STMN1: variants seen among roughly 807,000 people sequenced by gnomAD.
STMN1 encodes the protein stathmin.
STMN1 carries 3 observed loss-of-function variants against 19.7 expected under a neutral mutation model. That is an observed-to-expected ratio of 0.15 (90% CI 0.07 to 0.39). The LOEUF (loss-of-function observed/expected upper bound fraction) is 0.39. Ranked by LOEUF, STMN1 falls within the 10% of genes least tolerant of loss-of-function variation. The pLI, the probability that STMN1 is intolerant of heterozygous loss-of-function variation, is 1.00. For synonymous variants in STMN1, 59 were observed against 58.9 expected, an observed-to-expected ratio of 1.00 and a Z score of -0.01; for missense variants, 99 against 176.0, an observed-to-expected ratio of 0.56 and a Z score of 2.48.
intron 2 of STMN1, among the ~76,000 whole-genome samples, chr1:25,904,449 C>T (rs1165113437): frequency 6.6e-6 from 1 of 152,202 alleles, no homozygotes; most frequent in African/African-American, 2.4e-5. Context: ...GCAAACTCCA[C>T]AATTTTGCTT....
intron 4 of STMN1, among the ~76,000 whole-genome samples, chr1:25,886,581 T>G (rs1045382420): frequency 1.5e-4 from 21 of 139,964 alleles, no homozygotes; most frequent in Admixed American, 1.2e-3. Flanking sequence ...CCCCACCACT[T>G]TTTTTTTTTT....
intron 4 of STMN1, among the ~76,000 whole-genome samples, chr1:25,891,054 C>T (rs957650982): frequency 6.6e-6 from 1 of 152,078 alleles, no homozygotes; most frequent in East Asian, 1.9e-4. Context: ...CAATCGGGGC[C>T]GGGCACAGCA....
intron 4 of STMN1, among the ~76,000 whole-genome samples, chr1:25,886,423 G>C (rs2124219891): frequency 6.6e-6 from 1 of 152,204 alleles, no homozygotes. Flanking sequence ...TGATGATTAA[G>C]ATCCTTCTGG....
intron 1 of STMN1, chr1:25,905,051 A>C: frequency 4.6e-6 from 1 of 215,624 alleles, no homozygotes; most frequent in Admixed American, 5.7e-5. Flanking sequence ...CATTTCACCG[A>C]AACTGTAAGA....
At chr1:25,901,170 C>A (rs911587584) in intron 4 of STMN1, 83 bp from the exon 5 acceptor site, 3 of 1,561,846 alleles carry the variant, frequency 1.9e-6, no homozygotes, top group Non-Finnish European at 2.6e-6. Context: ...CAGCCCCCAC[C>A]TCAAAGAGGC....
intron 4 of STMN1, among the ~76,000 whole-genome samples, chr1:25,893,619 C>A (rs187612362): frequency 2.4e-4 from 37 of 152,334 alleles, no homozygotes; most frequent in Middle Eastern, 3.4e-3. Context: ...CGGCTCACTG[C>A]AACCTCCGCC....
At chr1:25,901,117 C>CAAAAAA (rs58316569) in intron 4 of STMN1, 30 bp from the exon 5 acceptor site, 49 of 1,204,922 alleles carry the variant, frequency 4.1e-5, no homozygotes, top group South Asian at 1.4e-4. Context: ...TGTCATCAGT[C>CAAAAAA]AAAAAAAAAA....
downstream of STMN1, among the ~76,000 whole-genome samples, chr1:25,899,929 AATT>A (rs1246901479): frequency 6.6e-6 from 1 of 152,172 alleles, no homozygotes; most frequent in Non-Finnish European, 1.5e-5. Flanking sequence ...AAATATGTAT[AATT>A]AGGCTATTTC....
intron 4 of STMN1, chr1:25,892,380 CTTTTTT>C (rs35541438): frequency 1.7e-5 from 3 of 173,684 alleles, no homozygotes; most frequent in African/African-American, 5.9e-5. Flanking sequence ...CAGAGCAAGA[CTTTTTT>C]TTTTTTTTTT....
rs2048874083 is a variant in STMN1 at position 25,901,510 on chromosome 1, A to T, written c.359T>A (p.Leu120Gln). 6.2e-7 allele frequency: 1 copy of T among 1,608,330 alleles called. No homozygotes were observed. Among genetic ancestry groups the T allele is most frequent in the African/African-American group, 1.3e-5 (1 of 74,320 alleles). ...ENREAQMAAK[L>Q]ERLREKDKHI... ...ACCAACCTTCTCTCGCAAACGTTCC[A>T]GTTTGGCAGCCATTTGTGCCTCTCG... The change falls in exon 4 of 5, where the codon CTG (leucine) becomes CAG (glutamine). Residue 120 changes from leucine to glutamine, a missense_variant. This residue lies in a region of STMN1 where 54 missense variants were observed against 79.4 expected (regional missense o/e 0.68). Coordinates refer to ENST00000455785, the MANE Select transcript of STMN1 (RefSeq NM_005563.4).
intron 4 of STMN1, among the ~76,000 whole-genome samples, chr1:25,887,867 A>G (rs1195215076): frequency 6.6e-6 from 1 of 152,132 alleles, no homozygotes; most frequent in Non-Finnish European, 1.5e-5. Flanking sequence ...TTGTATTTTT[A>G]ATAGAGACGG....
chr1:25,895,134 G>A (rs977375244), downstream of STMN1, among the ~76,000 whole-genome samples: 9 of 130,710 alleles, frequency 6.9e-5, no homozygotes, highest in African/African-American at 2.6e-4. Context: ...ACACAGTATC[G>A]CTCTGTTGCC....
At chr1:25,888,472 A>G (rs1484731309) in intron 4 of STMN1, among the ~76,000 whole-genome samples, 2 of 152,190 alleles carry the variant, frequency 1.3e-5, no homozygotes, top group African/African-American at 4.8e-5. Context: ...GTAGGTCCTC[A>G]ATAAATATTT....
intron 1 of STMN1, 61 bp from the exon 2 acceptor site, chr1:25,904,799 C>A: frequency 2.2e-6 from 3 of 1,352,222 alleles, no homozygotes; most frequent in Admixed American, 2.6e-5. Flanking sequence ...GTCATCAACC[C>A]AAAAAAATCT....
intron 4 of STMN1, among the ~76,000 whole-genome samples, chr1:25,887,161 A>T (rs2048728836): frequency 6.6e-6 from 1 of 152,168 alleles, no homozygotes; most frequent in Non-Finnish European, 1.5e-5. Context: ...GCTTCTTAAA[A>T]AGTGGGATGG....
At chr1:25,897,501 G>T (rs1012147506), downstream of STMN1, among the ~76,000 whole-genome samples, 5 of 152,090 alleles carry the variant, frequency 3.3e-5, no homozygotes, top group Admixed American at 3.3e-4. Flanking sequence ...GAATGATACA[G>T]AGTAGACAGG....
intron 4 of STMN1, among the ~76,000 whole-genome samples, chr1:25,887,173 G>A (rs1414431377): frequency 6.6e-6 from 1 of 152,188 alleles, no homozygotes; most frequent in African/African-American, 2.4e-5. Flanking sequence ...GTGGGATGGA[G>A]GAATGAAGGT....
intron 1 of STMN1, 69 bp from the exon 2 acceptor site, chr1:25,904,807 T>C: frequency 1.6e-6 from 2 of 1,229,796 alleles, no homozygotes; most frequent in African/African-American, 1.5e-5. Flanking sequence ...CCCAAAAAAA[T>C]CTCACATCAC....
chr1:25,891,854 G>A (rs765362108), intron 4 of STMN1, among the ~76,000 whole-genome samples: 2 of 152,150 alleles, frequency 1.3e-5, no homozygotes, highest in African/African-American at 4.8e-5. Flanking sequence ...GGAGACCCAT[G>A]AAGCTGGCAG....
Sources: allele counts gnomAD v4.1 joint callset (sites outside exome capture counted in the v4.1 genomes callset), GRCh38; gene constraint gnomAD v4.1.1; regional missense constraint gnomAD v4.1.1; transcripts MANE v1.5; gene names NCBI Gene and HGNC (gene_info 2026-07-23, HGNC 2026-07-21).